FANK1: variants seen among roughly 807,000 people sequenced by gnomAD.
FANK1 encodes the protein fibronectin type III and ankyrin repeat domains 1, also known as fibronectin type 3 and ankyrin repeat domains protein 1.
In FANK1, 44 loss-of-function variants were observed where a neutral mutation model predicts 45.3. The observed-to-expected ratio is 0.97, with a 90% CI of 0.76 to 1.25. The LOEUF (loss-of-function observed/expected upper bound fraction) is 1.25. Ranked by LOEUF, FANK1 falls within the 50% of genes most tolerant of loss-of-function variation. The pLI is 0.00. For synonymous variants in FANK1, 149 were observed against 152.5 expected, an observed-to-expected ratio of 0.98 and a Z score of 0.17; for missense variants, 391 against 424.4, an observed-to-expected ratio of 0.92 and a Z score of 0.69.
intron 1 of FANK1, among the ~76,000 whole-genome samples, chr10:125,911,729 G>C (rs1369799963): frequency 1.3e-5 from 2 of 152,168 alleles, no homozygotes; most frequent in Non-Finnish European, 2.9e-5. Flanking sequence ...TGTTCTGCTA[G>C]TAAAAAGCCC....
At chr10:125,907,132 A>G (rs1589790797) in intron 1 of FANK1, among the ~76,000 whole-genome samples, 1 of 152,356 alleles carries the variant, frequency 6.6e-6, no homozygotes, top group African/African-American at 2.4e-5. Context: ...TGTTTTTATC[A>G]TGGTAAAATA....
intron 1 of FANK1, among the ~76,000 whole-genome samples, chr10:125,965,924 A>G (rs1950180301): frequency 6.6e-6 from 1 of 152,208 alleles, no homozygotes; most frequent in South Asian, 2.1e-4. Flanking sequence ...ATGTTCGTGA[A>G]GTCCTTTATA....
rs188971342 is a variant in FANK1, at chr10:125,938,768, C to T, written c.14-41393C>T. Among the ~76,000 whole-genome samples, 453 of 152,238 alleles carry T rather than the reference C, an allele frequency of 3.0e-3. 5 individuals carry two copies. The highest frequency in any genetic ancestry group is 0.01 in the African/African-American group (425 of 41,530). The stretch of plus-strand genomic sequence containing the variant: ...AGGTTGCAGTGAGCCGAGATTGCAC[C>T]ACTGCACTCCAGTCTGGGAGACAGT... On this transcript the variant is annotated intron_variant, in intron 1 of 10. Coordinates refer to ENST00000368693, the MANE Select transcript of FANK1 (RefSeq NM_145235.5).
chr10:125,946,068 TAACA>T (rs1387856538), intron 1 of FANK1, among the ~76,000 whole-genome samples: 2 of 151,982 alleles, frequency 1.3e-5, no homozygotes, highest in African/African-American at 4.8e-5. Flanking sequence ...GAAGGAAAAC[TAACA>T]AACAGAAAGG....
chr10:125,964,180 C>G (rs1053919433), intron 1 of FANK1, among the ~76,000 whole-genome samples: 1 of 143,880 alleles, frequency 7.0e-6, no homozygotes. Context: ...ATATCATTCT[C>G]TCTCTCTTTT....
At position 125,928,261 on chromosome 10, in the gene FANK1, C is replaced by CTTTTTTT. The variant is rs34889746; in HGVS notation, c.13+31618_13+31624dup. 1.5e-5 allele frequency among the ~76,000 whole-genome samples: 2 copies of CTTTTTTT among 137,722 alleles called. 1 individual carries two copies. Among genetic ancestry groups the CTTTTTTT allele is most frequent in the Non-Finnish European group, 3.1e-5 (2 of 65,400 alleles). 90.4% of individuals were successfully genotyped at this position (137,722 alleles called of 152,430 possible). On this transcript the variant is annotated intron_variant, in intron 1 of 10. Coordinates refer to ENST00000368693, the MANE Select transcript of FANK1 (RefSeq NM_145235.5). Reference sequence around the variant, plus strand: ...TAAACAAGGGGTGGATTATTCGTGCCTTTTTTTTTTTTTTTTTTAAAGACC... The same window carrying CTTTTTTT: ...TAAACAAGGGGTGGATTATTCGTGCCTTTTTTTTTTTTTTTTTTTTTTTTTAAAGACC...
chr10:125,957,021 G>C (rs1330406628), intron 1 of FANK1, among the ~76,000 whole-genome samples: 5 of 152,132 alleles, frequency 3.3e-5, no homozygotes, highest in Non-Finnish European at 7.4e-5. Context: ...AGCACACCCG[G>C]CTGTTTTCTA....
intron 1 of FANK1, among the ~76,000 whole-genome samples, chr10:125,930,876 C>A (rs1438263402): frequency 2.6e-5 from 4 of 152,122 alleles, no homozygotes; most frequent in African/African-American, 9.7e-5. Flanking sequence ...CCTCCACACC[C>A]TTACCCCCAA....
chr10:125,899,147 G>A (rs78081392), intron 1 of FANK1, among the ~76,000 whole-genome samples: 7 of 152,272 alleles, frequency 4.6e-5, no homozygotes, highest in African/African-American at 1.2e-4. Context: ...TGCAACCTCC[G>A]CCTCCCGGGT....
chr10:126,006,720 C>A (rs1009395132), intron 7 of FANK1, among the ~76,000 whole-genome samples: 1 of 152,118 alleles, frequency 6.6e-6, no homozygotes, highest in Non-Finnish European at 1.5e-5. Context: ...ATTAGCCAGG[C>A]GTGGTGGTGG....
intron 1 of FANK1, among the ~76,000 whole-genome samples, chr10:125,979,381 A>G (rs1294347239): frequency 6.6e-6 from 1 of 152,110 alleles, no homozygotes; most frequent in South Asian, 2.1e-4. Flanking sequence ...TTTCTGCAGA[A>G]GTTTCCAGGG....
intron 1 of FANK1, among the ~76,000 whole-genome samples, chr10:125,970,161 C>A (rs1235047171): frequency 6.6e-6 from 1 of 152,160 alleles, no homozygotes; most frequent in Non-Finnish European, 1.5e-5. Flanking sequence ...GACGGGGTGG[C>A]GGCCGGGCAG....
chr10:125,923,837 T>C (rs2134132633), intron 1 of FANK1, among the ~76,000 whole-genome samples: 1 of 152,348 alleles, frequency 6.6e-6, no homozygotes, highest in South Asian at 2.1e-4. Flanking sequence ...CTGCAAGTTA[T>C]GACTTCCTTT....
intron 1 of FANK1, among the ~76,000 whole-genome samples, chr10:125,921,750 T>G (rs1018360240): frequency 2.0e-5 from 3 of 152,188 alleles, no homozygotes; most frequent in African/African-American, 7.2e-5. Flanking sequence ...GTTGTTTGTT[T>G]TGTTTTTGTA....
intron 1 of FANK1, among the ~76,000 whole-genome samples, chr10:125,979,589 A>G (rs1951069279): frequency 6.6e-6 from 1 of 152,124 alleles, no homozygotes; most frequent in Non-Finnish European, 1.5e-5. Context: ...ATTGTTACCA[A>G]TTTCTGTGAG....
chr10:125,947,647 A>T (rs369092624), intron 1 of FANK1, among the ~76,000 whole-genome samples: 4 of 151,450 alleles, frequency 2.6e-5, no homozygotes, highest in East Asian at 1.9e-4. Flanking sequence ...AGACTTAGAC[A>T]CCCACACATT....
Position 126,006,631 on chromosome 10 carries a change from G to A in FANK1, c.705+1582G>A, listed in dbSNP as rs190133660. ...TCCCAGCACTTTGGGAGGCCAAGGC[G>A]GGTGGATCACTTGAGGTCAGGAGTT... On this transcript the variant is annotated intron_variant, in intron 7 of 10. Transcript: ENST00000368693. Among the ~76,000 whole-genome samples the A allele has an allele frequency of 5.8e-4, 89 of 152,300 alleles. 1 individual carries two copies. The East Asian group carries it at 0.011, about 19-fold the overall frequency.
At chr10:125,965,406 G>T (rs1325489597) in intron 1 of FANK1, among the ~76,000 whole-genome samples, 1 of 152,192 alleles carries the variant, frequency 6.6e-6, no homozygotes, top group Non-Finnish European at 1.5e-5. Flanking sequence ...GACATACTGT[G>T]TCTAAAGAAT....
chr10:125,991,250 G>GGTGTGTGTGT (rs113257579), intron 3 of FANK1, among the ~76,000 whole-genome samples: 106 of 145,994 alleles, frequency 7.3e-4, no homozygotes, highest in African/African-American at 2.2e-3. Flanking sequence ...GGTGACCAGG[G>GGTGTGTGTGT]GTGTGTGTGT....
Sources: allele counts gnomAD v4.1 joint callset (sites outside exome capture counted in the v4.1 genomes callset), GRCh38; gene constraint gnomAD v4.1.1; transcripts MANE v1.5; gene names NCBI Gene and HGNC (gene_info 2026-07-23, HGNC 2026-07-21).